Variants in NRG3 observed in about 807,000 individuals in gnomAD.
NRG3 encodes the protein neuregulin 3.
In NRG3, 31 loss-of-function variants were observed where a neutral mutation model predicts 66.9. The observed-to-expected ratio is 0.46, with a 90% CI of 0.35 to 0.63. The LOEUF is 0.63. NRG3 is among the 20% of genes least tolerant of loss of function. The pLI, the probability that NRG3 is intolerant of heterozygous loss-of-function variation, is 0.00. For missense variants in NRG3, 910 were observed against 878.9 expected (o/e 1.04, Z -0.45); for synonymous variants, 393 against 359.4 (o/e 1.09, Z -1.06).
At chr10:81,917,918 G>T (rs924612435) in intron 1 of NRG3, among the ~76,000 whole-genome samples, 1 of 152,044 alleles carries the variant, frequency 6.6e-6, no homozygotes, top group African/African-American at 2.4e-5. Flanking sequence ...TTCTCTTTTC[G>T]CATGTTTTAG....
At chr10:82,786,163 C>T (rs991034048) in intron 3 of NRG3, among the ~76,000 whole-genome samples, 1 of 152,002 alleles carries the variant, frequency 6.6e-6, no homozygotes, top group Non-Finnish European at 1.5e-5. Flanking sequence ...TGAAGTAGAC[C>T]CTGTGACCCC....
chr10:82,301,687 T>TAC (rs2080412737), intron 1 of NRG3, among the ~76,000 whole-genome samples: 1 of 40,666 alleles, frequency 2.5e-5, no homozygotes, highest in South Asian at 4.3e-4. Context: ...CATATATTCC[T>TAC]ATATATATAT....
chr10:82,098,977 G>A (rs1175782095), intron 1 of NRG3, among the ~76,000 whole-genome samples: 5 of 152,126 alleles, frequency 3.3e-5, no homozygotes, highest in Non-Finnish European at 7.4e-5. Flanking sequence ...GTGTTAGCCA[G>A]GATGGTCTCG....
chr10:82,321,171 T>C (rs2081548569), intron 1 of NRG3, among the ~76,000 whole-genome samples: 1 of 152,140 alleles, frequency 6.6e-6, no homozygotes, highest in Admixed American at 6.5e-5. Flanking sequence ...AGATGCTACC[T>C]TGGGGCTGGA....
At chr10:82,877,419 G>GC (rs1233017532) in intron 4 of NRG3, among the ~76,000 whole-genome samples, 1 of 113,866 alleles carries the variant, frequency 8.8e-6, no homozygotes, top group Non-Finnish European at 1.7e-5. Context: ...CTCTCTTGTT[G>GC]CCCAGGCTGG....
chr10:82,185,878 A>G (rs1434045428), intron 1 of NRG3, among the ~76,000 whole-genome samples: 1 of 152,168 alleles, frequency 6.6e-6, no homozygotes, highest in Admixed American at 6.5e-5. Context: ...CAATCTAAAG[A>G]GTTTCGTGTA....
chr10:82,971,834 T>C (rs533769969), intron 6 of NRG3, among the ~76,000 whole-genome samples: 3 of 152,338 alleles, frequency 2.0e-5, no homozygotes. Context: ...ATATGAAATA[T>C]CCATCTTTCT....
intron 3 of NRG3, among the ~76,000 whole-genome samples, chr10:82,743,675 G>A (rs1221544559): frequency 1.3e-5 from 2 of 151,992 alleles, no homozygotes; most frequent in Non-Finnish European, 2.9e-5. Flanking sequence ...CAGGCTCAGA[G>A]CCAAGTGGTG....
At chr10:82,469,504 G>A (rs910266092) in intron 2 of NRG3, among the ~76,000 whole-genome samples, 16 of 152,172 alleles carry the variant, frequency 1.1e-4, no homozygotes, top group Admixed American at 7.2e-4. Flanking sequence ...GGTGTTGGGG[G>A]AAAGGTTCTG....
At chr10:82,289,679 G>A (rs2079613147) in intron 1 of NRG3, among the ~76,000 whole-genome samples, 1 of 152,034 alleles carries the variant, frequency 6.6e-6, no homozygotes, top group South Asian at 2.1e-4. Flanking sequence ...TACCTTTATA[G>A]ACATATTTTC....
intron 1 of NRG3, among the ~76,000 whole-genome samples, chr10:81,886,114 C>T (rs1286656712): frequency 6.6e-6 from 1 of 152,056 alleles, no homozygotes; most frequent in African/African-American, 2.4e-5. Context: ...CCATGGCACA[C>T]GTTTACCTAT....
intron 2 of NRG3, among the ~76,000 whole-genome samples, chr10:82,454,152 T>C (rs1459941242): frequency 6.6e-6 from 1 of 152,234 alleles, no homozygotes; most frequent in African/African-American, 2.4e-5. Context: ...TGTTCTTTAG[T>C]CATCTATATA....
At position 82,959,097 on chromosome 10, in the gene NRG3, C is replaced by T. The variant is rs766739991; in HGVS notation, c.1284+22C>T. On this transcript the variant is annotated intron_variant, in intron 6 of 8. Coordinates refer to ENST00000372141, the MANE Select transcript of NRG3 (RefSeq NM_001010848.4). Reference sequence around the variant, plus strand: ...AAATGTAAGTGACATGTCTACACACCTCCTCCTATAGCCTACCTCAGTGCT... The same window carrying T: ...AAATGTAAGTGACATGTCTACACACTTCCTCCTATAGCCTACCTCAGTGCT... 6 of 1,573,146 alleles carry T rather than the reference C, an allele frequency of 3.8e-6. No homozygotes were observed. The African/African-American group carries it at 5.5e-5, about 14-fold the overall frequency.
intron 2 of NRG3, among the ~76,000 whole-genome samples, chr10:82,487,613 A>T (rs1055035124): frequency 1.3e-5 from 2 of 152,168 alleles, no homozygotes; most frequent in Non-Finnish European, 2.9e-5. Flanking sequence ...CTTCACATCT[A>T]GTTGGGATTA....
At chr10:82,858,800 G>A (rs940264574) in intron 3 of NRG3, among the ~76,000 whole-genome samples, 1 of 152,108 alleles carries the variant, frequency 6.6e-6, no homozygotes, top group Non-Finnish European at 1.5e-5. Context: ...TCCCACTGGG[G>A]GCTCCATGAC....
rs113742806 is a variant in NRG3, at chr10:82,667,854, T to C, written c.954-70723T>C. ...AGCAGTAACATCTCAGATAACTTCA[T>C]GTTTATACATATGTATGCATACACC... On this transcript the variant is annotated intron_variant, in intron 2 of 8. Coordinates refer to ENST00000372141, the MANE Select transcript of NRG3 (RefSeq NM_001010848.4). 2.6e-5 allele frequency among the ~76,000 whole-genome samples: 4 copies of C among 152,344 alleles called. 1 individual carries two copies. Among genetic ancestry groups the C allele is most frequent in the African/African-American group, 9.6e-5 (4 of 41,582 alleles).
At chr10:82,710,965 T>C (rs982399466) in intron 2 of NRG3, among the ~76,000 whole-genome samples, 8 of 152,250 alleles carry the variant, frequency 5.3e-5, no homozygotes, top group African/African-American at 1.2e-4. Context: ...TATTTACTTA[T>C]GTTGCTATGT....
intron 1 of NRG3, among the ~76,000 whole-genome samples, chr10:82,117,291 T>C (rs1409507481): frequency 6.6e-6 from 1 of 152,110 alleles, no homozygotes; most frequent in African/African-American, 2.4e-5. Context: ...CACTCACTCA[T>C]TGAGCTTAAG....
At chr10:82,076,979 G>A (rs895076917) in intron 1 of NRG3, among the ~76,000 whole-genome samples, 3 of 152,142 alleles carry the variant, frequency 2.0e-5, no homozygotes, top group Non-Finnish European at 4.4e-5. Flanking sequence ...TGGACTTACT[G>A]GGTAGATAAA....
Sources: allele counts gnomAD v4.1 joint callset (sites outside exome capture counted in the v4.1 genomes callset), GRCh38; gene constraint gnomAD v4.1.1; transcripts MANE v1.5; gene names NCBI Gene and HGNC (gene_info 2026-07-23, HGNC 2026-07-21).